The following LMO3 variants were observed in gnomAD, a reference collection of about 807,000 sequenced individuals.
LMO3 encodes LIM domain only 3.
In LMO3, 2 loss-of-function variants were observed where a neutral mutation model predicts 15.8. That is an observed-to-expected ratio of 0.13 (90% confidence interval 0.05 to 0.40). The LOEUF (loss-of-function observed/expected upper bound fraction) is 0.40, where lower values mean the gene tolerates loss of function less well. Ranked by LOEUF, LMO3 falls within the 10% of genes least tolerant of loss-of-function variation. The pLI is 0.99. For missense variants in LMO3, 86 were observed against 182.2 expected (o/e 0.47, Z 3.04); for synonymous variants, 62 against 63.8 (o/e 0.97, Z 0.13).
At chr12:16,567,414 A>T (rs140685675) in intron 2 of LMO3, 1 of 152,632 alleles carries the variant, frequency 6.6e-6, no homozygotes, top group African/African-American at 2.4e-5. Context: ...CAGGGATAGA[A>T]TACGAGAAGT....
At chr12:16,608,960 A>G (rs941458477), upstream of LMO3, 2 of 152,154 alleles carry the variant, frequency 1.3e-5, no homozygotes, top group African/African-American at 4.8e-5. The surrounding 1 kb of genome is among the most constrained non-coding windows in gnomAD (Gnocchi z 4.1). Context: ...TTTGTCATGA[A>G]TTAAATTATT....
chr12:16,607,982 T>C (rs1044948056), upstream of LMO3: 4 of 152,240 alleles, frequency 2.6e-5, no homozygotes, highest in Middle Eastern at 3.4e-3. Flanking sequence ...GAGAACCCCT[T>C]AGTTGACTTG....
intron 2 of LMO3, 145 bp downstream of exon 2, chr12:16,600,510 G>T: frequency 1.5e-6 from 1 of 660,356 alleles, no homozygotes. Flanking sequence ...AACACACACA[G>T]GGCAACGCTT....
At chr12:16,606,832 A>G (rs1328478337), upstream of LMO3, 3 of 152,248 alleles carry the variant, frequency 2.0e-5, no homozygotes, top group Admixed American at 1.3e-4. Context: ...GGACCAGTCC[A>G]AAAGAAGAAC....
chr12:16,589,539 A>T lies in LMO3; in HGVS notation c.206+11116T>A, dbSNP rs1943425099. On this transcript the variant is annotated intron_variant, in intron 2 of 3. Coordinates refer to ENST00000537304, the MANE Select transcript of LMO3 (RefSeq NM_018640.5). This position sits in a 1 kb window ranked among gnomAD's most constrained non-coding sequence, Gnocchi z 4.2. ...TATGTCTTTTTTAGGTTGCTGCAGAAGTCAAGAGCTAACCAAGAAGACAAG... is the reference window on the plus strand; with the variant it reads ...TATGTCTTTTTTAGGTTGCTGCAGATGTCAAGAGCTAACCAAGAAGACAAG... 6.6e-6 allele frequency: 1 copy of T among 152,104 alleles called. No individual in the cohort carries two copies. The highest frequency in any genetic ancestry group is 2.1e-4 in the South Asian group (1 of 4,828). The allele number at this position is 152,104 out of a possible 1,614,324, so 9.4% of individuals were successfully genotyped here.
chr12:16,601,535 C>T (rs934057314), intron 1 of LMO3, among the ~76,000 whole-genome samples: 1 of 152,086 alleles, frequency 6.6e-6, no homozygotes, highest in Non-Finnish European at 1.5e-5. Context: ...CAGTCAGCAC[C>T]TATATTAATG....
intron 3 of LMO3, among the ~76,000 whole-genome samples, chr12:16,553,849 G>T (rs1942082277): frequency 6.7e-6 from 1 of 149,942 alleles, no homozygotes; most frequent in Admixed American, 6.6e-5. Flanking sequence ...AACTTCTTAT[G>T]AGATTCAGCA....
chr12:16,588,404 T>A (rs1476477140), intron 2 of LMO3, among the ~76,000 whole-genome samples: 1 of 151,898 alleles, frequency 6.6e-6, no homozygotes, highest in Non-Finnish European at 1.5e-5. Context: ...ATCAACACTA[T>A]AAAGAAAACC....
In LMO3 at chr12:16,560,289, T is replaced by A. The variant is rs1942351203; in HGVS notation, c.332+124A>T. Reference sequence around the variant, plus strand: ...TTGTCTCTGGCATGGGATTAAAGTTTACAGAACAGAAAAACGCTGAGATTG... The same window carrying A: ...TTGTCTCTGGCATGGGATTAAAGTTAACAGAACAGAAAAACGCTGAGATTG... On this transcript the variant is annotated intron_variant, in intron 3 of 3. Coordinates refer to ENST00000537304, the MANE Select transcript of LMO3 (RefSeq NM_018640.5). This position sits in a 1 kb window ranked among gnomAD's most constrained non-coding sequence, Gnocchi z 5.0. 3 of 1,102,174 alleles carry A rather than the reference T, an allele frequency of 2.7e-6. No individual in the cohort carries two copies. Among genetic ancestry groups the A allele is most frequent in the Admixed American group, 5.0e-5 (2 of 39,988 alleles). The allele number at this position is 1,102,174 out of a possible 1,614,324, so 68.3% of individuals were successfully genotyped here. A position where few individuals can be genotyped will look rare whatever the true frequency, so the allele number is the denominator to read the frequency against.
chr12:16,561,945 A>G (rs1332737590), intron 2 of LMO3, among the ~76,000 whole-genome samples: 1 of 152,238 alleles, frequency 6.6e-6, no homozygotes, highest in African/African-American at 2.4e-5. Flanking sequence ...AGAAGATCAA[A>G]TTCATAATTG....
intron 2 of LMO3, among the ~76,000 whole-genome samples, chr12:16,581,067 A>G (rs1943143741): frequency 6.6e-6 from 1 of 152,246 alleles, no homozygotes; most frequent in Non-Finnish European, 1.5e-5. Flanking sequence ...AACATTGTAA[A>G]TAGTTAGGTA....
chr12:16,561,027 T>C (rs1350121970), intron 2 of LMO3, among the ~76,000 whole-genome samples: 3 of 152,118 alleles, frequency 2.0e-5, no homozygotes, highest in Admixed American at 6.5e-5. Flanking sequence ...TCAAAAAACA[T>C]AGAGGCGCAT....
In LMO3 at chr12:16,560,528, C is replaced by G; in HGVS notation, c.217G>C (p.Val73Leu). Residue 73 changes from valine to leucine, a missense_variant, in exon 3 of 4, where the codon GTA becomes CTA. Val to Leu is a conservative substitution (Grantham distance 32). Transcript: ENST00000537304. The surrounding 1 kb of genome is among the most constrained non-coding windows in gnomAD (Gnocchi z 5.0). ...CTACAGGCAGCGCAGTTTCCCGTTACACCAAAGAGCCTAGAATAAGAAACA... is the reference window on the plus strand; with the variant it reads ...CTACAGGCAGCGCAGTTTCCCGTTAGACCAAAGAGCCTAGAATAAGAAACA... ...CRRDYLRLFG[V>L]TGNCAACSKL... The G allele has an allele frequency of 6.2e-7, 1 of 1,607,742 alleles. No homozygotes were observed. The highest frequency in any genetic ancestry group is 1.1e-5 in the South Asian group (1 of 89,376).
rs940821993 is a variant in LMO3 at position 16,582,727 on chromosome 12, T to C, written c.206+17928A>G. The stretch of plus-strand genomic sequence containing the variant: ...GTACGGTCCCTCACTCTTTTAAGTA[T>C]CTGATTGGGATGAGACGCCCAGAAA... On this transcript the variant is annotated intron_variant, in intron 2 of 3. Coordinates refer to ENST00000537304, the MANE Select transcript of LMO3 (RefSeq NM_018640.5). This position sits in a 1 kb window ranked among gnomAD's most constrained non-coding sequence, Gnocchi z 4.1. Among the ~76,000 whole-genome samples, 1 of 152,112 alleles carries C rather than the reference T, an allele frequency of 6.6e-6. No homozygotes were observed. The highest frequency in any genetic ancestry group is 2.4e-5 in the African/African-American group (1 of 41,394).
At position 16,593,875 on chromosome 12, in the gene LMO3, T is replaced by C. The variant is rs947970499; in HGVS notation, c.206+6780A>G. ...TAAGCACCTTGAAAAGGGAAATACA[T>C]GGTTAATCATCAAAACAAGTATATT... is the stretch of plus-strand genomic sequence containing the variant. On this transcript the variant is annotated intron_variant, in intron 2 of 3. Coordinates refer to ENST00000537304, the MANE Select transcript of LMO3 (RefSeq NM_018640.5). The surrounding 1 kb of genome is among the most constrained non-coding windows in gnomAD (Gnocchi z 4.2). Among the ~76,000 whole-genome samples, 6 of 151,888 alleles carry C rather than the reference T, an allele frequency of 4.0e-5. No individual in the cohort carries two copies. The South Asian group carries it at 1.0e-3, about 26-fold the overall frequency.
chr12:16,604,563 TA>T lies in LMO3; in HGVS notation c.-9+1502del, dbSNP rs199601375. 0.06 allele frequency: 17,621 copies of T among 294,932 alleles called. 228 individuals carry two copies. Among genetic ancestry groups the T allele is most frequent in the African/African-American group, 0.11 (5,065 of 44,970 alleles). The allele number at this position is 294,932 out of a possible 1,614,324, so 18.3% of individuals were successfully genotyped here. ...ATTTTGATGCAGCTCACATGCAAAA[TA>T]AAAAAAAAAAATAAGAAACATACAT... On this transcript the variant is annotated intron_variant, in intron 1 of 3. Coordinates refer to ENST00000537304, the MANE Select transcript of LMO3 (RefSeq NM_018640.5). The surrounding 1 kb of genome is among the most constrained non-coding windows in gnomAD (Gnocchi z 5.3).
At chr12:16,578,665 A>G (rs1943066713) in intron 2 of LMO3, among the ~76,000 whole-genome samples, 1 of 152,058 alleles carries the variant, frequency 6.6e-6, no homozygotes, top group South Asian at 2.1e-4. Flanking sequence ...TAAAAATACA[A>G]AAATTAGCCA....
rs1371856434 is a variant in LMO3 at position 16,550,922 on chromosome 12, A to C, written c.*300T>G. The C allele has an allele frequency of 3.9e-6, 1 of 258,356 alleles. No homozygotes were observed. The highest frequency in any genetic ancestry group is 2.2e-5 in the African/African-American group (1 of 45,876). The allele number at this position is 258,356 out of a possible 1,614,324, so 16.0% of individuals were successfully genotyped here. A position where few individuals can be genotyped will look rare whatever the true frequency, so the allele number is the denominator to read the frequency against. ...TTACATTTGTGCTTCAAATATTACA[A>C]TACATTATATACAATAGTCCAAAAT... On this transcript the variant is annotated 3_prime_UTR_variant, in exon 4 of 4. Transcript: ENST00000537304.
At chr12:16,551,446 G>A in intron 3 of LMO3, 119 bp from the exon 4 acceptor site, 1 of 642,148 alleles carries the variant, frequency 1.6e-6, no homozygotes, top group Non-Finnish European at 2.8e-6. Context: ...TGAAAACCTG[G>A]CTTAGACAGT....
Sources: allele counts gnomAD v4.1 joint callset (sites outside exome capture counted in the v4.1 genomes callset), GRCh38; gene constraint gnomAD v4.1.1; non-coding constraint Gnocchi (gnomAD v3.1); transcripts MANE v1.5; gene names NCBI Gene and HGNC (gene_info 2026-07-23, HGNC 2026-07-21).